Variants in ROBO2 observed in about 807,000 individuals in gnomAD.
ROBO2 encodes the protein roundabout homolog 2.
In ROBO2, 53 loss-of-function variants were observed where a neutral mutation model predicts 160.8. The observed-to-expected ratio is 0.33, with a 90% CI of 0.26 to 0.41. The LOEUF (loss-of-function observed/expected upper bound fraction) is 0.41, where lower values mean the gene tolerates loss of function less well. Among genes scored for constraint, ROBO2 ranks in the 10% least tolerant of loss-of-function variants. The pLI is 1.00. For missense variants in ROBO2, 1,577 were observed against 1,722.4 expected (o/e 0.92, Z 1.49); for synonymous variants, 664 against 611.7 (o/e 1.09, Z -1.26).
intron 2 of ROBO2, among the ~76,000 whole-genome samples, chr3:76,869,260 A>G (rs991874722): frequency 6.6e-6 from 1 of 152,006 alleles, no homozygotes; most frequent in South Asian, 2.1e-4. Flanking sequence ...TTGCATTGCT[A>G]ATAACTTAAA....
At chr3:77,471,861 G>A (rs2153580523) in intron 2 of ROBO2, among the ~76,000 whole-genome samples, 1 of 152,186 alleles carries the variant, frequency 6.6e-6, no homozygotes, top group East Asian at 1.9e-4. Context: ...GGGTGGCCTG[G>A]GACAACATTT....
At chr3:76,389,419 G>A (rs1356280521) in intron 2 of ROBO2, among the ~76,000 whole-genome samples, 1 of 152,130 alleles carries the variant, frequency 6.6e-6, no homozygotes, top group East Asian at 1.9e-4. Flanking sequence ...TCTGAATTAG[G>A]CTCGCCACTA....
chr3:77,185,052 C>G (rs2081157542), intron 2 of ROBO2, among the ~76,000 whole-genome samples: 1 of 151,894 alleles, frequency 6.6e-6, no homozygotes, highest in South Asian at 2.1e-4. Flanking sequence ...ACAGATTTGG[C>G]AAAATTTGAC....
intron 2 of ROBO2, among the ~76,000 whole-genome samples, chr3:76,030,653 G>C (rs1253867722): frequency 1.3e-5 from 2 of 152,116 alleles, no homozygotes; most frequent in Non-Finnish European, 2.9e-5. Context: ...TATTTGTCAG[G>C]TTTGTCAAAG....
chr3:77,263,889 G>A (rs944882832), intron 2 of ROBO2, among the ~76,000 whole-genome samples: 1 of 152,104 alleles, frequency 6.6e-6, no homozygotes, highest in African/African-American at 2.4e-5. Context: ...CACATAGTTA[G>A]TGTTACTTAA....
intron 2 of ROBO2, among the ~76,000 whole-genome samples, chr3:75,980,313 C>T (rs2065241118): frequency 1.3e-5 from 2 of 151,648 alleles, no homozygotes; most frequent in East Asian, 2.0e-4. Context: ...AACACTTCAG[C>T]GTCTTTAGGG....
At chr3:76,752,450 G>GA (rs1244694508) in intron 2 of ROBO2, among the ~76,000 whole-genome samples, 8 of 148,004 alleles carry the variant, frequency 5.4e-5, no homozygotes, top group East Asian at 4.1e-4. Flanking sequence ...AAAAAAAAAA[G>GA]AAAAAAAATG....
At chr3:76,825,993 AT>A (rs899930615) in intron 2 of ROBO2, among the ~76,000 whole-genome samples, 148 of 145,098 alleles carry the variant, frequency 1.0e-3, no homozygotes, top group African/African-American at 2.1e-3. Context: ...TGTTGACGAG[AT>A]TTTTTTTTTT....
intron 2 of ROBO2, among the ~76,000 whole-genome samples, chr3:76,765,171 C>T (rs1205904731): frequency 6.6e-6 from 1 of 151,656 alleles, no homozygotes; most frequent in Non-Finnish European, 1.5e-5. Context: ...TACATCAGTG[C>T]CCAACTATAT....
intron 2 of ROBO2, among the ~76,000 whole-genome samples, chr3:76,260,234 G>T (rs530043347): frequency 4.8e-4 from 73 of 152,206 alleles, no homozygotes; most frequent in Admixed American, 7.9e-4. Context: ...CTAGAGAGAT[G>T]CAGTCACTTT....
intron 2 of ROBO2, among the ~76,000 whole-genome samples, chr3:76,910,725 CAAA>C (rs10662303): frequency 2.8e-5 from 1 of 35,526 alleles, no homozygotes; most frequent in Non-Finnish European, 5.0e-5. Flanking sequence ...AACTCTGTCT[CAAA>C]AAAAAAAAAA....
intron 2 of ROBO2, among the ~76,000 whole-genome samples, chr3:75,967,927 T>C (rs1397520585): frequency 6.6e-6 from 1 of 151,600 alleles, no homozygotes; most frequent in Non-Finnish European, 1.5e-5. Context: ...CCAGAAGTTT[T>C]CCTGGCATAC....
At position 77,296,338 on chromosome 3, in the gene ROBO2, C is replaced by A. The variant is rs375899589; in HGVS notation, c.389-181076C>A. ...TTAAACGGGCAAGCTGAGGCTAGATCACCCCAGACATAAAGTAAAATTGAC... is the reference window on the plus strand; with the variant it reads ...TTAAACGGGCAAGCTGAGGCTAGATAACCCCAGACATAAAGTAAAATTGAC... On this transcript the variant is annotated intron_variant, in intron 2 of 25. Transcript: ENST00000461745. Among the ~76,000 whole-genome samples, 14 of 152,252 alleles carry A rather than the reference C, an allele frequency of 9.2e-5. No individual in the cohort carries two copies. The South Asian group carries it at 2.1e-3, about 23-fold the overall frequency.
chr3:77,400,256 A>T (rs2075669199), intron 2 of ROBO2, among the ~76,000 whole-genome samples: 1 of 152,196 alleles, frequency 6.6e-6, no homozygotes. Context: ...ATAGGTTGTG[A>T]ATTATCTGAC....
At position 76,136,518 on chromosome 3, in the gene ROBO2, A is replaced by T. The variant is rs201819657; in HGVS notation, c.109+198916A>T. ...GAAAGCTTGGAAGTGTGATAAGGAAAGAGAAATGTCTAAAATGTTGCCAAC... is the reference window on the plus strand; with the variant it reads ...GAAAGCTTGGAAGTGTGATAAGGAATGAGAAATGTCTAAAATGTTGCCAAC... On this transcript the variant is annotated intron_variant, in intron 2 of 26. Transcript: ENST00000487694. Among the ~76,000 whole-genome samples the T allele has an allele frequency of 8.5e-5, 13 of 152,254 alleles. No homozygotes were observed. The East Asian group carries it at 2.5e-3, about 29-fold the overall frequency.
At chr3:77,469,018 T>C (rs937234292) in intron 2 of ROBO2, among the ~76,000 whole-genome samples, 1 of 152,228 alleles carries the variant, frequency 6.6e-6, no homozygotes, top group African/African-American at 2.4e-5. Flanking sequence ...AACTGGTGGC[T>C]AGCCTGCCCA....
intron 2 of ROBO2, among the ~76,000 whole-genome samples, chr3:76,022,272 G>A (rs986446285): frequency 6.6e-6 from 1 of 151,696 alleles, no homozygotes; most frequent in African/African-American, 2.4e-5. Context: ...AGTCATCTAT[G>A]AGAGTTGGAC....
At chr3:76,131,423 A>G (rs1390056615) in intron 2 of ROBO2, among the ~76,000 whole-genome samples, 1 of 152,130 alleles carries the variant, frequency 6.6e-6, no homozygotes, top group African/African-American at 2.4e-5. Context: ...TTCTTGAAAA[A>G]ATAATGTGAG....
intron 2 of ROBO2, among the ~76,000 whole-genome samples, chr3:77,215,163 C>T (rs1278045077): frequency 1.3e-5 from 2 of 152,194 alleles, no homozygotes; most frequent in African/African-American, 2.4e-5. Flanking sequence ...TGGATAATAT[C>T]CTGCAGAGTG....
Sources: allele counts gnomAD v4.1 joint callset (sites outside exome capture counted in the v4.1 genomes callset), GRCh38; gene constraint gnomAD v4.1.1; transcripts MANE v1.5; gene names NCBI Gene and HGNC (gene_info 2026-07-23, HGNC 2026-07-21).